KIAA0319L: variants seen among roughly 807,000 people sequenced by gnomAD.
KIAA0319L encodes KIAA0319 like.
In KIAA0319L, 55 loss-of-function variants were observed where a neutral mutation model predicts 120.1. That is an observed-to-expected ratio of 0.46 (90% CI 0.37 to 0.57). KIAA0319L has a LOEUF of 0.57. Among genes scored for constraint, KIAA0319L ranks in the 20% least tolerant of loss-of-function variants. KIAA0319L has a pLI of 0.00. For missense variants in KIAA0319L, 1,049 were observed against 1,255.3 expected, an observed-to-expected ratio of 0.84 and a Z score of 2.48; for synonymous variants, 398 against 471.9, an observed-to-expected ratio of 0.84 and a Z score of 2.03.
chr1:35,512,468 C>T (rs1191267764), intron 2 of KIAA0319L, among the ~76,000 whole-genome samples: 1 of 151,282 alleles, frequency 6.6e-6, no homozygotes, highest in Non-Finnish European at 1.5e-5. Flanking sequence ...AGAGAAAAAT[C>T]AAGGAAACAA....
Position 35,474,829 on chromosome 1 carries a change from A to G in KIAA0319L, c.991T>C (p.Tyr331His), listed in dbSNP as rs769722144. 3.7e-6 allele frequency: 6 copies of G among 1,605,450 alleles called. No individual in the cohort carries two copies. Among genetic ancestry groups the G allele is most frequent in the Non-Finnish European group, 5.1e-6 (6 of 1,172,470 alleles). ...CCTTTAGGTGGTTCTTGGAGAACAT[A>G]TGCATTTAATTGAACTTCATTCTTA... is the stretch of plus-strand genomic sequence containing the variant. ...LPKNEVQLNA[Y>H]VLQEPPKGET... Residue 331 changes from tyrosine (Y) to histidine (H), a missense_variant, in exon 5 of 21, where the codon TAT becomes CAT. Coordinates refer to ENST00000325722, the MANE Select transcript of KIAA0319L (RefSeq NM_024874.5).
At chr1:35,467,104 GA>G (rs796682247) in intron 6 of KIAA0319L, among the ~76,000 whole-genome samples, 121 of 129,706 alleles carry the variant, frequency 9.3e-4, no homozygotes, top group African/African-American at 2.0e-3. Flanking sequence ...ACAACGAACT[GA>G]AAAAAAAAAA....
intron 7 of KIAA0319L, among the ~76,000 whole-genome samples, chr1:35,463,429 C>T (rs1173006584): frequency 3.3e-5 from 5 of 152,176 alleles, no homozygotes; most frequent in Admixed American, 2.6e-4. Flanking sequence ...GCAATCAAAC[C>T]GTCCCTTGGC....
intron 12 of KIAA0319L, 78 bp from the exon 13 acceptor site, chr1:35,451,854 T>C (rs1642089258): frequency 2.7e-6 from 4 of 1,457,458 alleles, no homozygotes; most frequent in Non-Finnish European, 3.8e-6. Flanking sequence ...GAGGAGACAA[T>C]GACTCCCTCA....
intron 3 of KIAA0319L, among the ~76,000 whole-genome samples, chr1:35,498,058 C>T (rs1208318430): frequency 6.6e-6 from 1 of 152,138 alleles, no homozygotes; most frequent in African/African-American, 2.4e-5. Context: ...GTAGGCTGGG[C>T]GCAGTGGCTC....
intron 6 of KIAA0319L, among the ~76,000 whole-genome samples, chr1:35,468,431 T>A (rs1643413925): frequency 6.6e-6 from 1 of 152,200 alleles, no homozygotes; most frequent in Non-Finnish European, 1.5e-5. Context: ...GAGGTTGATG[T>A]GCAAATATAT....
At chr1:35,448,381 A>C (rs748734954) in intron 15 of KIAA0319L, 49 bp from the exon 16 acceptor site, 1 of 1,545,610 alleles carries the variant, frequency 6.5e-7, no homozygotes, top group Admixed American at 1.7e-5. Context: ...GAGAGTAAAC[A>C]CAGACCTGCC....
At position 35,444,203 on chromosome 1, in the gene KIAA0319L, C is replaced by T; in HGVS notation, c.2614G>A (p.Ala872Thr). 1 of 1,609,064 alleles carries T rather than the reference C, an allele frequency of 6.2e-7. No homozygotes were observed. The highest frequency in any genetic ancestry group is 8.5e-7 in the Non-Finnish European group (1 of 1,177,972). The change falls in exon 17 of 21, where the codon GCA (alanine) becomes ACA (threonine). Residue 872 changes from alanine to threonine, a missense_variant. Physicochemically the swap from Ala to Thr is moderately conservative, Grantham distance 58. Coordinates refer to ENST00000325722, the MANE Select transcript of KIAA0319L (RefSeq NM_024874.5). Reference protein sequence around the residue: ...MLKSELRKQKADFLIFRALEV... With the variant: ...MLKSELRKQKTDFLIFRALEV... ...AAGGCTCTGAATATCAAAAAGTCTG[C>T]CTTTTGCTTCCGCAGCTCACTCTTG... is the stretch of plus-strand genomic sequence containing the variant.
chr1:35,536,609 A>G (rs1252478671), intron 2 of KIAA0319L, among the ~76,000 whole-genome samples: 1 of 152,234 alleles, frequency 6.6e-6, no homozygotes, highest in Non-Finnish European at 1.5e-5. Context: ...CTCTATCACA[A>G]TTCTAATGCC....
chr1:35,554,438 T>C lies in KIAA0319L; in HGVS notation c.54A>G (p.Gly18=), dbSNP rs1647625704. The C allele has an allele frequency of 6.2e-7, 1 of 1,613,194 alleles. No homozygotes were observed. Among genetic ancestry groups the C allele is most frequent in the Non-Finnish European group, 8.5e-7 (1 of 1,179,758 alleles). ...KPNPASWILS[G]YYWQTSAKWL... ...ACTTCGCAGATGTCTGCCAATAATA[T>C]CCTGATAAAATCCAGGAAGCAGGAT... The change falls in exon 2 of 21, where the codon GGA becomes GGG. Residue 18 remains glycine, a synonymous_variant. Coordinates refer to ENST00000325722, the MANE Select transcript of KIAA0319L (RefSeq NM_024874.5).
At chr1:35,481,501 T>C (rs1644161460) in intron 3 of KIAA0319L, among the ~76,000 whole-genome samples, 1 of 152,188 alleles carries the variant, frequency 6.6e-6, no homozygotes, top group Non-Finnish European at 1.5e-5. Flanking sequence ...AATATATCAC[T>C]GATGACTTTC....
intron 1 of KIAA0319L, chr1:35,556,335 C>T (rs1172456404): frequency 6.6e-6 from 1 of 152,222 alleles, no homozygotes; most frequent in Non-Finnish European, 1.5e-5. Flanking sequence ...CATTTATGTA[C>T]ACAGCGATAA....
At chr1:35,499,880 T>A (rs947220773) in intron 3 of KIAA0319L, among the ~76,000 whole-genome samples, 1 of 151,882 alleles carries the variant, frequency 6.6e-6, no homozygotes, top group Non-Finnish European at 1.5e-5. Flanking sequence ...TTACGTAAGA[T>A]TATCCCTCTG....
rs114786053 is a variant in KIAA0319L at position 35,504,184 on chromosome 1, C to G, written c.666+2428G>C. 6.0e-3 allele frequency among the ~76,000 whole-genome samples: 896 copies of G among 149,738 alleles called. 10 individuals carry two copies. Among genetic ancestry groups the G allele is most frequent in the African/African-American group, 0.021 (854 of 40,760 alleles). Reference sequence around the variant, plus strand: ...TACAGGCATAAGCTGCCGTGCCCAGCCCCTTATGATTTTCTTCCCTTTTTT... The same window carrying G: ...TACAGGCATAAGCTGCCGTGCCCAGGCCCTTATGATTTTCTTCCCTTTTTT... On this transcript the variant is annotated intron_variant, in intron 3 of 20. Transcript: ENST00000325722.
chr1:35,456,903 A>AGAAGGAAGGAAG (rs1310936522), intron 9 of KIAA0319L, among the ~76,000 whole-genome samples: 11 of 117,482 alleles, frequency 9.4e-5, no homozygotes, highest in East Asian at 3.6e-4. Context: ...AGGGAGGGAA[A>AGAAGGAAGGAAG]GAAGGAAGGA....
chr1:35,555,990 T>G (rs1488518171), intron 1 of KIAA0319L, among the ~76,000 whole-genome samples: 2 of 152,230 alleles, frequency 1.3e-5, no homozygotes, highest in Non-Finnish European at 2.9e-5. Flanking sequence ...AAACCTATAA[T>G]TGCCTAAGGG....
At chr1:35,535,954 A>G (rs1389276956) in intron 2 of KIAA0319L, among the ~76,000 whole-genome samples, 2 of 152,158 alleles carry the variant, frequency 1.3e-5, no homozygotes, top group Non-Finnish European at 2.9e-5. Context: ...AGTTCACCCA[A>G]TATTTAAATA....
intron 2 of KIAA0319L, 87 bp downstream of exon 2, chr1:35,554,263 C>T (rs1220205805): frequency 9.8e-7 from 1 of 1,017,950 alleles, no homozygotes; most frequent in Admixed American, 3.4e-5. Context: ...TTTCTGCCTC[C>T]TAATAGTCCT....
Position 35,508,166 on chromosome 1 carries a change from A to T in KIAA0319L, c.143-1031T>A, listed in dbSNP as rs139503859. 3.3e-3 allele frequency among the ~76,000 whole-genome samples: 507 copies of T among 152,366 alleles called. 2 individuals are homozygous for T. Among genetic ancestry groups the T allele is most frequent in the Non-Finnish European group, 4.6e-3 (316 of 68,034 alleles). On this transcript the variant is annotated intron_variant, in intron 2 of 20. Coordinates refer to ENST00000325722, the MANE Select transcript of KIAA0319L (RefSeq NM_024874.5). ...AATTTAAGGAGGTGCTCACTTTCAG[A>T]GTCATTCCAGCAAAGGGTTGGCTCA...
Sources: gnomAD v4.1 joint callset for allele counts (sites outside exome capture counted in the v4.1 genomes callset) on GRCh38, gnomAD v4.1.1 for gene constraint, MANE v1.5 for transcripts, NCBI Gene and HGNC (gene_info 2026-07-23, HGNC 2026-07-21) for gene names.